CTNNA2: variants seen among roughly 807,000 people sequenced by gnomAD.
CTNNA2 encodes catenin alpha 2.
In CTNNA2, 42 loss-of-function variants were observed where a neutral mutation model predicts 101.0. The observed-to-expected ratio is 0.42, with a 90% confidence interval of 0.32 to 0.54. CTNNA2 has a LOEUF of 0.54. CTNNA2 is among the 20% of genes least tolerant of loss of function. CTNNA2 has a pLI of 0.14. For missense variants in CTNNA2, 871 were observed against 1,223.1 expected, an observed-to-expected ratio of 0.71 and a Z score of 4.29; for synonymous variants, 450 against 456.4, an observed-to-expected ratio of 0.99 and a Z score of 0.18.
chr2:79,779,848 G>C (rs1168727278), intron 3 of CTNNA2, among the ~76,000 whole-genome samples: 1 of 152,034 alleles, frequency 6.6e-6, no homozygotes, highest in African/African-American at 2.4e-5. Flanking sequence ...CTTCCTCCTG[G>C]TCCAGGGCAT....
At chr2:80,063,384 G>A (rs1361731946) in intron 7 of CTNNA2, among the ~76,000 whole-genome samples, 2 of 152,104 alleles carry the variant, frequency 1.3e-5, no homozygotes, top group Non-Finnish European at 2.9e-5. Flanking sequence ...TATCTTCACT[G>A]TTCAATGGTC....
intron 1 of CTNNA2, among the ~76,000 whole-genome samples, chr2:79,612,609 G>A (rs1196100595): frequency 6.6e-6 from 1 of 151,966 alleles, no homozygotes; most frequent in African/African-American, 2.4e-5. Flanking sequence ...ATTTGTTTTG[G>A]GGAAAAAAAT....
chr2:79,188,796 T>C (rs1673815343), intron 1 of CTNNA2, among the ~76,000 whole-genome samples: 1 of 152,180 alleles, frequency 6.6e-6, no homozygotes, highest in Admixed American at 6.5e-5. Context: ...GAGTTAGTGT[T>C]GTGAAAGACG....
intron 12 of CTNNA2, among the ~76,000 whole-genome samples, chr2:80,569,639 T>A (rs1390974010): frequency 1.3e-4 from 6 of 45,922 alleles, no homozygotes; most frequent in African/African-American, 5.0e-4. Flanking sequence ...TTAGGTTTTT[T>A]TTTTTTTTTT....
intron 17 of CTNNA2, among the ~76,000 whole-genome samples, chr2:80,609,266 T>C (rs216670): frequency 0.23 from 34,177 of 151,732 alleles, 5,454 homozygotes; most frequent in African/African-American, 0.46. Context: ...TTTTTGGAAA[T>C]TTAGAAGTTT....
chr2:80,295,309 C>A (rs1250423524), intron 7 of CTNNA2, among the ~76,000 whole-genome samples: 2 of 151,750 alleles, frequency 1.3e-5, no homozygotes, highest in African/African-American at 2.4e-5. Flanking sequence ...TGTGTGTGTC[C>A]TCTCTAGGAT....
chr2:80,576,775 C>A lies in CTNNA2; in HGVS notation c.1893+2461C>A, dbSNP rs575184390. 7.7e-5 allele frequency among the ~76,000 whole-genome samples: 9 copies of A among 116,376 alleles called. No homozygotes were observed. The East Asian group carries it at 1.5e-3, about 19-fold the overall frequency. 76.3% of individuals were successfully genotyped at this position (116,376 alleles called of 152,430 possible). On this transcript the variant is annotated intron_variant, in intron 13 of 18. Transcript: ENST00000402739. ...ACCAGCCTGGCCAACATGGTGAAAC[C>A]CTGTCTCTACTGAAAAAAAAAAAAA...
chr2:80,002,591 A>T (rs1574511678), intron 7 of CTNNA2, among the ~76,000 whole-genome samples: 2 of 152,302 alleles, frequency 1.3e-5, no homozygotes, highest in African/African-American at 4.8e-5. Flanking sequence ...GAAAGGAAGG[A>T]TGAAAGAATT....
rs201998587 is a variant in CTNNA2, at chr2:80,303,080, A to G, written c.1057-90131A>G. 53 of 1,613,802 alleles carry G rather than the reference A, an allele frequency of 3.3e-5. No individual in the cohort carries two copies. The highest frequency in any genetic ancestry group is 1.7e-4 in the Admixed American group (10 of 59,970). On this transcript the variant is annotated intron_variant, in intron 7 of 18. Transcript: ENST00000402739. The surrounding 1 kb of genome is among the most constrained non-coding windows in gnomAD (Gnocchi z 7.7). ...AACCCAGTCCAGCGAGCTGACCACAATGGCCACCTTGTTCCTCCGCAGGCA... is the reference window on the plus strand; with the variant it reads ...AACCCAGTCCAGCGAGCTGACCACAGTGGCCACCTTGTTCCTCCGCAGGCA...
chr2:80,063,453 G>T (rs1421725960), intron 7 of CTNNA2, among the ~76,000 whole-genome samples: 1 of 152,180 alleles, frequency 6.6e-6, no homozygotes, highest in Non-Finnish European at 1.5e-5. Flanking sequence ...AAGAAAAAAA[G>T]AAGAAGAAGA....
intron 2 of CTNNA2, among the ~76,000 whole-genome samples, chr2:79,659,372 C>T (rs568162521): frequency 3.3e-5 from 5 of 152,038 alleles, no homozygotes; most frequent in Non-Finnish European, 7.4e-5. Flanking sequence ...TTGAGAGTCA[C>T]CTTAATTCAT....
intron 2 of CTNNA2, among the ~76,000 whole-genome samples, chr2:79,710,575 A>G (rs1319826195): frequency 2.0e-5 from 3 of 152,326 alleles, no homozygotes; most frequent in Admixed American, 6.5e-5. Context: ...GAGAACATTG[A>G]GGTTAAACAT....
chr2:79,731,524 A>G (rs1687193838), intron 2 of CTNNA2, among the ~76,000 whole-genome samples: 1 of 152,132 alleles, frequency 6.6e-6, no homozygotes, highest in Non-Finnish European at 1.5e-5. Flanking sequence ...GCTACCCACC[A>G]GAACTATTTG....
At chr2:79,837,708 A>G (rs1025377997) in intron 3 of CTNNA2, among the ~76,000 whole-genome samples, 1 of 151,478 alleles carries the variant, frequency 6.6e-6, no homozygotes, top group African/African-American at 2.4e-5. Context: ...CTCAAAACAT[A>G]CTCTCAATTT....
At chr2:80,589,152 C>A in intron 14 of CTNNA2, 152 bp from the exon 15 acceptor site, 1 of 744,144 alleles carries the variant, frequency 1.3e-6, no homozygotes, top group South Asian at 1.9e-5. Flanking sequence ...TCGTGGCCTC[C>A]CTGGAATGGA....
intron 2 of CTNNA2, among the ~76,000 whole-genome samples, chr2:79,221,155 T>TAG (rs1558578102): frequency 1.3e-5 from 2 of 151,858 alleles, no homozygotes; most frequent in South Asian, 2.1e-4. Flanking sequence ...GTTTTGTTTT[T>TAG]GTTGTTGTTT....
intron 7 of CTNNA2, among the ~76,000 whole-genome samples, chr2:80,053,130 G>A (rs747292692): frequency 3.3e-5 from 5 of 152,194 alleles, no homozygotes; most frequent in Admixed American, 1.3e-4. Context: ...AGACTTCAGC[G>A]GAAGTTAGGA....
intron 3 of CTNNA2, among the ~76,000 whole-genome samples, chr2:79,809,970 A>T (rs146721295): frequency 2.0e-5 from 3 of 152,324 alleles, no homozygotes; most frequent in East Asian, 1.9e-4. Context: ...CTGCAAAAAC[A>T]TACCAAATAG....
chr2:79,966,285 G>C (rs1690054889), intron 7 of CTNNA2, among the ~76,000 whole-genome samples: 1 of 152,010 alleles, frequency 6.6e-6, no homozygotes. Flanking sequence ...ACCCAGGCAG[G>C]AGTGCAGTGG....
Sources: allele counts gnomAD v4.1 joint callset (sites outside exome capture counted in the v4.1 genomes callset), GRCh38; gene constraint gnomAD v4.1.1; non-coding constraint Gnocchi (gnomAD v3.1); transcripts MANE v1.5; gene names NCBI Gene and HGNC (gene_info 2026-07-23, HGNC 2026-07-21).